DPYD: variants seen among roughly 807,000 people sequenced by gnomAD.
DPYD encodes dihydropyrimidine dehydrogenase [NADP(+)].
Under a neutral mutation model 116.2 loss-of-function variants are expected in DPYD, and 109 were observed. The ratio of observed to expected loss-of-function variants is 0.94; its 90% CI spans 0.80 to 1.10. The LOEUF (loss-of-function observed/expected upper bound fraction) is 1.10. Ranked by LOEUF, DPYD falls within the 50% of genes least tolerant of loss-of-function variation. The pLI is 0.00. For synonymous variants in DPYD, 440 were observed against 432.0 expected, an observed-to-expected ratio of 1.02 and a Z score of -0.23; for missense variants, 1,302 against 1,254.5, an observed-to-expected ratio of 1.04 and a Z score of -0.57.
In DPYD at chr1:97,774,919, C is replaced by G. The variant is rs146254601; in HGVS notation, c.234-34440G>C. ...ACCTTTTGAATGTCCAAATCATCAT[C>G]AATGATTTGCTAGAAATAGCATCCT... On this transcript the variant is annotated intron_variant, in intron 3 of 22. Coordinates refer to ENST00000370192, the MANE Select transcript of DPYD (RefSeq NM_000110.4). 354 of 294,260 alleles carry G rather than the reference C, an allele frequency of 1.2e-3. 1 individual carries two copies. The highest frequency in any genetic ancestry group is 6.5e-3 in the African/African-American group (291 of 44,976). The allele number at this position is 294,260 out of a possible 1,614,324, so 18.2% of individuals were successfully genotyped here.
intron 2 of DPYD, among the ~76,000 whole-genome samples, chr1:97,847,697 AAAACTT>A (rs1216253017): frequency 6.6e-6 from 1 of 152,222 alleles, no homozygotes; most frequent in Admixed American, 6.5e-5. Flanking sequence ...AATCAGGAGA[AAAACTT>A]AAAATTTCAG....
At chr1:97,319,361 A>C (rs1257893092) in intron 16 of DPYD, among the ~76,000 whole-genome samples, 1 of 145,686 alleles carries the variant, frequency 6.9e-6, no homozygotes, top group African/African-American at 2.6e-5. Flanking sequence ...AAAAAGAGAG[A>C]AGAATCAAAT....
intron 16 of DPYD, among the ~76,000 whole-genome samples, chr1:97,326,009 T>C (rs1668689848): frequency 6.6e-6 from 1 of 151,590 alleles, no homozygotes. Flanking sequence ...AACTCTTATA[T>C]ATGTCTATGG....
intron 16 of DPYD, among the ~76,000 whole-genome samples, chr1:97,314,065 C>A (rs1667669451): frequency 1.3e-5 from 2 of 151,954 alleles, no homozygotes; most frequent in Non-Finnish European, 2.9e-5. Flanking sequence ...GCTCCAGGAG[C>A]CAACTGAGTT....
intron 5 of DPYD, among the ~76,000 whole-genome samples, chr1:97,715,534 T>C (rs1200418004): frequency 6.6e-6 from 1 of 152,138 alleles, no homozygotes; most frequent in Non-Finnish European, 1.5e-5. Flanking sequence ...AACTGAATCC[T>C]TACCTAGTGG....
chr1:97,581,623 G>A (rs1653680112), intron 10 of DPYD, among the ~76,000 whole-genome samples: 1 of 151,486 alleles, frequency 6.6e-6, no homozygotes, highest in Non-Finnish European at 1.5e-5. Context: ...GCATCTGCCT[G>A]TAGTCCCAGC....
At chr1:97,463,441 T>C (rs1217525579) in intron 13 of DPYD, among the ~76,000 whole-genome samples, 5 of 152,126 alleles carry the variant, frequency 3.3e-5, no homozygotes, top group Non-Finnish European at 7.3e-5. Context: ...ATTTTGTAAA[T>C]TGCCCAGTCT....
chr1:97,725,043 G>C (rs527659550), intron 4 of DPYD, among the ~76,000 whole-genome samples: 2 of 150,814 alleles, frequency 1.3e-5, no homozygotes, highest in South Asian at 4.2e-4. Context: ...AAATGATCTT[G>C]TATATACAAA....
At chr1:97,717,879 T>A (rs900455594) in intron 5 of DPYD, among the ~76,000 whole-genome samples, 13 of 152,006 alleles carry the variant, frequency 8.6e-5, no homozygotes, top group African/African-American at 2.9e-4. Context: ...CTGATGTGTA[T>A]TTGGGCTGGT....
At chr1:97,386,496 T>C (rs1672356747) in intron 14 of DPYD, among the ~76,000 whole-genome samples, 1 of 152,148 alleles carries the variant, frequency 6.6e-6, no homozygotes, top group African/African-American at 2.4e-5. Flanking sequence ...CTAACATATC[T>C]GCATATTTAA....
intron 2 of DPYD, among the ~76,000 whole-genome samples, chr1:97,877,031 G>T (rs1405334262): frequency 1.3e-5 from 2 of 151,962 alleles, no homozygotes; most frequent in Non-Finnish European, 2.9e-5. Context: ...TTCTCAGAGG[G>T]CTGACAAATA....
At chr1:97,643,636 A>G (rs879408994) in intron 8 of DPYD, among the ~76,000 whole-genome samples, 2 of 152,222 alleles carry the variant, frequency 1.3e-5, no homozygotes, top group African/African-American at 2.4e-5. Context: ...ATGCACATGT[A>G]TATTTATTGT....
At chr1:97,733,987 T>G (rs1483452521) in intron 4 of DPYD, among the ~76,000 whole-genome samples, 1 of 152,076 alleles carries the variant, frequency 6.6e-6, no homozygotes, top group Non-Finnish European at 1.5e-5. Flanking sequence ...GAGTTATCCT[T>G]CTCATATAAA....
intron 20 of DPYD, among the ~76,000 whole-genome samples, chr1:97,137,773 C>T (rs1653921887): frequency 6.6e-6 from 1 of 152,168 alleles, no homozygotes; most frequent in African/African-American, 2.4e-5. Context: ...GGATGATCTA[C>T]CTCTCTGAAA....
At chr1:97,183,657 G>T in intron 20 of DPYD, among the ~76,000 whole-genome samples, 1 of 152,104 alleles carries the variant, frequency 6.6e-6, no homozygotes, top group South Asian at 2.1e-4. Context: ...CATGTTGGGA[G>T]TTTGATTGGG....
At chr1:97,079,274 G>C in intron 22 of DPYD, 128 bp from the exon 23 acceptor site, 1 of 927,158 alleles carries the variant, frequency 1.1e-6, no homozygotes, top group Non-Finnish European at 1.8e-6. Flanking sequence ...CAGCTCTATG[G>C]TGCAACTATA....
At position 97,137,974 on chromosome 1, in the gene DPYD, A is replaced by T. The variant is rs556878749; in HGVS notation, c.2623-39342T>A. Among the ~76,000 whole-genome samples the T allele has an allele frequency of 7.9e-5, 12 of 152,308 alleles. No individual in the cohort carries two copies. In the East Asian group the frequency reaches 2.3e-3, roughly 29 times the overall value. On this transcript the variant is annotated intron_variant, in intron 20 of 22. Transcript: ENST00000370192. ...TCTTGCTTTTGTCACACCGAGGCTG[A>T]TATCTCCACTAAGTACACATCCCTA...
At chr1:97,712,421 ATTTT>A (rs1030509130) in intron 5 of DPYD, among the ~76,000 whole-genome samples, 1 of 151,858 alleles carries the variant, frequency 6.6e-6, no homozygotes, top group Non-Finnish European at 1.5e-5. Context: ...CTCACCGTTG[ATTTT>A]TTTATTTTAT....
rs530414974 is a variant in DPYD at position 97,575,187 on chromosome 1, T to C, written c.1129-1217A>G. Among the ~76,000 whole-genome samples the C allele has an allele frequency of 5.9e-5, 9 of 152,298 alleles. No individual in the cohort carries two copies. In the South Asian group the frequency reaches 1.2e-3, roughly 21 times the overall value. On this transcript the variant is annotated intron_variant, in intron 10 of 22. Transcript: ENST00000370192. ...TATGCTTCTAGTGCACAGATGATACTTTGTTAACCACTGTCTTTATTAGAT... is the reference window on the plus strand; with the variant it reads ...TATGCTTCTAGTGCACAGATGATACCTTGTTAACCACTGTCTTTATTAGAT...
Sources: allele counts gnomAD v4.1 joint callset (sites outside exome capture counted in the v4.1 genomes callset), GRCh38; gene constraint gnomAD v4.1.1; transcripts MANE v1.5; gene names NCBI Gene and HGNC (gene_info 2026-07-23, HGNC 2026-07-21).